FRAS1: variants seen among roughly 807,000 people sequenced by gnomAD.
FRAS1 encodes the protein Fraser extracellular matrix complex subunit 1, also known as extracellular matrix organizing protein FRAS1.
Under a neutral mutation model 435.2 loss-of-function variants are expected in FRAS1, and 290 were observed. The observed-to-expected ratio is 0.67, with a 90% confidence interval of 0.61 to 0.73. FRAS1 has a LOEUF of 0.73. FRAS1 is among the 30% of genes least tolerant of loss of function. The pLI is 0.00. For missense variants in FRAS1, 4,860 were observed against 5,001.5 expected, an observed-to-expected ratio of 0.97 and a Z score of 0.85; for synonymous variants, 1,800 against 1,851.0, an observed-to-expected ratio of 0.97 and a Z score of 0.71.
At chr4:78,218,246 C>A (rs955203662) in intron 2 of FRAS1, among the ~76,000 whole-genome samples, 6 of 150,928 alleles carry the variant, frequency 4.0e-5, no homozygotes, top group African/African-American at 1.5e-4. Flanking sequence ...AATACACACA[C>A]AGAGAGAGGG....
In FRAS1 at chr4:78,450,138, G is replaced by T. The variant is rs369012718; in HGVS notation, c.6275-13G>T. 6.2e-7 allele frequency: 1 copy of T among 1,607,316 alleles called. No homozygotes were observed. Among genetic ancestry groups the T allele is most frequent in the South Asian group, 1.1e-5 (1 of 90,174 alleles). On this transcript the variant is annotated splice_polypyrimidine_tract_variant and intron_variant, in intron 44 of 73. Transcript: ENST00000512123. ...GTTGGGGAATAACCTACTCTCTTCC[G>T]TTCTCTTCCAAGGGTCTGTAGCACG... is the stretch of plus-strand genomic sequence containing the variant.
intron 2 of FRAS1, among the ~76,000 whole-genome samples, chr4:78,188,112 T>C (rs1411038916): frequency 6.6e-6 from 1 of 152,154 alleles, no homozygotes; most frequent in Non-Finnish European, 1.5e-5. Flanking sequence ...TCAACAGTTA[T>C]CCTTCCTTTG....
At chr4:78,261,059 C>A (rs896989619) in intron 6 of FRAS1, among the ~76,000 whole-genome samples, 1 of 152,044 alleles carries the variant, frequency 6.6e-6, no homozygotes, top group Non-Finnish European at 1.5e-5. Flanking sequence ...CTGTTTCCTT[C>A]TCTTTATAAA....
chr4:78,137,753 G>T (rs773610168), intron 2 of FRAS1, among the ~76,000 whole-genome samples: 1 of 152,186 alleles, frequency 6.6e-6, no homozygotes, highest in Non-Finnish European at 1.5e-5. Context: ...AATAGTACGT[G>T]CTTTGGAGTT....
At chr4:78,077,965 G>C (rs1740730806) in intron 2 of FRAS1, among the ~76,000 whole-genome samples, 1 of 150,410 alleles carries the variant, frequency 6.6e-6, no homozygotes, top group Admixed American at 6.6e-5. Context: ...ATGAATCCAA[G>C]TAATTCCACA....
chr4:78,532,232 T>C (rs1014858509), intron 70 of FRAS1, among the ~76,000 whole-genome samples: 1 of 152,146 alleles, frequency 6.6e-6, no homozygotes, highest in African/African-American at 2.4e-5. Flanking sequence ...TCTAATGTAT[T>C]GCACACACTC....
chr4:78,526,777 A>G (rs1398259193), intron 70 of FRAS1, 120 bp downstream of exon 70: 9 of 645,510 alleles, frequency 1.4e-5, no homozygotes, highest in South Asian at 1.1e-4. Flanking sequence ...ATTCACTGAC[A>G]TGCACAGCAG....
intron 43 of FRAS1, 84 bp downstream of exon 43, chr4:78,446,964 ATT>A (rs998397409): frequency 1.5e-6 from 2 of 1,313,734 alleles, no homozygotes; most frequent in African/African-American, 3.0e-5. Context: ...TCAGTTGACT[ATT>A]TCTTTTCTTG....
intron 59 of FRAS1, among the ~76,000 whole-genome samples, chr4:78,496,574 T>A (rs1353007184): frequency 1.3e-5 from 2 of 152,208 alleles, no homozygotes; most frequent in African/African-American, 4.8e-5. Flanking sequence ...TCATCACCAA[T>A]AATTAAAAAT....
chr4:78,483,728 C>T lies in FRAS1; in HGVS notation c.8752+1193C>T, dbSNP rs150131759. Among the ~76,000 whole-genome samples the T allele has an allele frequency of 3.9e-3, 564 of 143,614 alleles. 4 individuals carry two copies. Among genetic ancestry groups the T allele is most frequent in the South Asian group, 7.1e-3 (32 of 4,520 alleles). 94.2% of individuals were successfully genotyped at this position (143,614 alleles called of 152,430 possible). On this transcript the variant is annotated intron_variant, in intron 58 of 73. Coordinates refer to ENST00000512123, the MANE Select transcript of FRAS1 (RefSeq NM_025074.7). ...TCCTCACTGGAGACAACAATTTTAA[C>T]CAGTTTTTTGTGTGTTTATCCTTCA... is the stretch of plus-strand genomic sequence containing the variant.
chr4:78,439,872 C>T (rs1046685050), intron 40 of FRAS1, among the ~76,000 whole-genome samples: 1 of 152,072 alleles, frequency 6.6e-6, no homozygotes, highest in Non-Finnish European at 1.5e-5. Flanking sequence ...TGGAAACCCC[C>T]TAGTGCAGTA....
intron 2 of FRAS1, among the ~76,000 whole-genome samples, chr4:78,165,333 G>A (rs929523943): frequency 2.6e-5 from 4 of 152,120 alleles, no homozygotes; most frequent in South Asian, 4.2e-4. Context: ...ATTCTTCAGC[G>A]TCCCATTGTG....
chr4:78,199,059 T>G (rs1251190891), intron 2 of FRAS1, among the ~76,000 whole-genome samples: 1 of 152,154 alleles, frequency 6.6e-6, no homozygotes, highest in Non-Finnish European at 1.5e-5. Flanking sequence ...TGCTGTGTTG[T>G]TCGAGGGTCA....
At chr4:78,297,931 T>G (rs1389319432) in intron 14 of FRAS1, among the ~76,000 whole-genome samples, 1 of 151,406 alleles carries the variant, frequency 6.6e-6, no homozygotes, top group South Asian at 2.1e-4. Context: ...GCTAAATCAG[T>G]AGATTATAGC....
chr4:78,264,593 C>T (rs1178643165), intron 6 of FRAS1, among the ~76,000 whole-genome samples: 2 of 152,130 alleles, frequency 1.3e-5, no homozygotes, highest in Non-Finnish European at 2.9e-5. Context: ...GGTTGGTACT[C>T]AGAAGTCCTG....
chr4:78,253,719 C>T (rs768184233), intron 5 of FRAS1, among the ~76,000 whole-genome samples: 6 of 152,254 alleles, frequency 3.9e-5, no homozygotes, highest in Middle Eastern at 3.4e-3. Flanking sequence ...AATCCTTAAG[C>T]GCCCTTCCAA....
intron 2 of FRAS1, among the ~76,000 whole-genome samples, chr4:78,087,001 T>C (rs1741217085): frequency 6.6e-6 from 1 of 152,180 alleles, no homozygotes; most frequent in South Asian, 2.1e-4. Context: ...ATATCCGTGA[T>C]GAACATCGAA....
chr4:78,509,643 G>A (rs1720969146), intron 63 of FRAS1, among the ~76,000 whole-genome samples: 1 of 152,182 alleles, frequency 6.6e-6, no homozygotes, highest in South Asian at 2.1e-4. Context: ...TCCTCAAAAA[G>A]CTTAGAGACC....
chr4:78,057,490 A>G lies in FRAS1; in HGVS notation c.-520A>G, dbSNP rs540413840. 12 of 154,714 alleles carry G rather than the reference A, an allele frequency of 7.8e-5. No individual in the cohort carries two copies. Among genetic ancestry groups the G allele is most frequent in the Middle Eastern group, 3.4e-3 (1 of 298 alleles). 9.6% of individuals were successfully genotyped at this position (154,714 alleles called of 1,614,324 possible). ...GTCTGCCGAGCCGGGTGGCTCGACC[A>G]AGGAGTGGGTGTGGGTGGGTCTTTC... On this transcript the variant is annotated 5_prime_UTR_variant, in exon 1 of 74. Transcript: ENST00000512123. This position sits in a 1 kb window ranked among gnomAD's most constrained non-coding sequence, Gnocchi z 4.2.
Sources: gnomAD v4.1 joint callset for allele counts (sites outside exome capture counted in the v4.1 genomes callset) on GRCh38, gnomAD v4.1.1 for gene constraint, Gnocchi (gnomAD v3.1) non-coding constraint, MANE v1.5 for transcripts, NCBI Gene and HGNC (gene_info 2026-07-23, HGNC 2026-07-21) for gene names.